The following CDH10 variants were observed in gnomAD, a reference collection of about 807,000 sequenced individuals.
The protein encoded by CDH10 is cadherin-10.
Under a neutral mutation model 73.1 loss-of-function variants are expected in CDH10, and 30 were observed. The ratio of observed to expected loss-of-function variants is 0.41; its 90% CI spans 0.31 to 0.56. The LOEUF (loss-of-function observed/expected upper bound fraction) is 0.56, where lower values mean the gene tolerates loss of function less well. Ranked by LOEUF, CDH10 falls within the 20% of genes least tolerant of loss-of-function variation. The pLI is 0.27. For synonymous variants in CDH10, 345 were observed against 348.2 expected, an observed-to-expected ratio of 0.99 and a Z score of 0.10; for missense variants, 815 against 973.7, an observed-to-expected ratio of 0.84 and a Z score of 2.17.
At chr5:24,489,420 CT>C (rs1741967015) in intron 11 of CDH10, among the ~76,000 whole-genome samples, 2 of 152,142 alleles carry the variant, frequency 1.3e-5, no homozygotes, top group South Asian at 2.1e-4. Flanking sequence ...ATAGGCAGAA[CT>C]TTTTAAAAAG....
chr5:24,584,464 T>TGTGTG (rs1554023319), intron 2 of CDH10, among the ~76,000 whole-genome samples: 1 of 55,468 alleles, frequency 1.8e-5, no homozygotes, highest in African/African-American at 6.5e-5. Context: ...TTTTTTTTTT[T>TGTGTG]TGTGTGTGTG....
chr5:24,530,242 A>G (rs1385591180), intron 5 of CDH10, among the ~76,000 whole-genome samples: 3 of 151,780 alleles, frequency 2.0e-5, no homozygotes, highest in Non-Finnish European at 4.4e-5. Context: ...TCAGTACATT[A>G]GATGTCCCTT....
chr5:24,622,258 A>ACGAT (rs1747342889), intron 1 of CDH10, among the ~76,000 whole-genome samples: 1 of 152,152 alleles, frequency 6.6e-6, no homozygotes, highest in East Asian at 1.9e-4. Flanking sequence ...TGATGTGCGA[A>ACGAT]TGTTGACAAA....
At chr5:24,527,437 A>G (rs1018399326) in intron 5 of CDH10, among the ~76,000 whole-genome samples, 3 of 151,400 alleles carry the variant, frequency 2.0e-5, no homozygotes, top group African/African-American at 7.3e-5. Context: ...AAAACAAAAT[A>G]TATAGAGTCA....
intron 2 of CDH10, among the ~76,000 whole-genome samples, chr5:24,560,394 C>A (rs932920937): frequency 4.6e-5 from 7 of 152,044 alleles, no homozygotes; most frequent in African/African-American, 1.7e-4. Flanking sequence ...CACTGACTTC[C>A]ACTTCTTACT....
At chr5:24,595,428 A>G (rs555458371) in intron 1 of CDH10, among the ~76,000 whole-genome samples, 1 of 151,982 alleles carries the variant, frequency 6.6e-6, no homozygotes, top group East Asian at 1.9e-4. Context: ...AGTCGTCCAC[A>G]ATGCCTGAAG....
chr5:24,588,266 A>G (rs1470806217), intron 2 of CDH10, among the ~76,000 whole-genome samples: 1 of 152,158 alleles, frequency 6.6e-6, no homozygotes, highest in Admixed American at 6.5e-5. Flanking sequence ...TGTCCTATTC[A>G]TTATATGGTT....
chr5:24,556,578 T>G (rs2111972715), intron 2 of CDH10, among the ~76,000 whole-genome samples: 1 of 151,898 alleles, frequency 6.6e-6, no homozygotes, highest in South Asian at 2.1e-4. Flanking sequence ...TAAAATCAGT[T>G]ATAATGAGCT....
intron 2 of CDH10, among the ~76,000 whole-genome samples, chr5:24,554,591 ATG>A (rs1744699634): frequency 6.6e-6 from 1 of 151,856 alleles, no homozygotes; most frequent in Non-Finnish European, 1.5e-5. Context: ...TATATATCCT[ATG>A]ATCCTAATAT....
In CDH10 at chr5:24,548,620, A is replaced by C. The variant is rs184613016; in HGVS notation, c.232-10946T>G. On this transcript the variant is annotated intron_variant, in intron 2 of 11. Transcript: ENST00000264463. ...TAAATGTTAAGCAGATCTAAAAAAT[A>C]CCTTCATAGCCACAATGAGACTAGT... 4.1e-3 allele frequency among the ~76,000 whole-genome samples: 618 copies of C among 152,030 alleles called. 4 individuals are homozygous for C. Among genetic ancestry groups the C allele is most frequent in the Admixed American group, 7.6e-3 (116 of 15,240 alleles).
At chr5:24,521,757 AATGG>A (rs1242932857) in intron 5 of CDH10, among the ~76,000 whole-genome samples, 1 of 152,200 alleles carries the variant, frequency 6.6e-6, no homozygotes, top group Non-Finnish European at 1.5e-5. Context: ...TTAAGAAAAT[AATGG>A]ATGGGTTAAA....
At chr5:24,557,809 G>A (rs964815653) in intron 2 of CDH10, among the ~76,000 whole-genome samples, 1 of 151,738 alleles carries the variant, frequency 6.6e-6, no homozygotes, top group African/African-American at 2.4e-5. Flanking sequence ...TTAAAAATTA[G>A]TATAGTCACT....
chr5:24,551,337 G>A (rs947018259), intron 2 of CDH10, among the ~76,000 whole-genome samples: 4 of 151,714 alleles, frequency 2.6e-5, no homozygotes, highest in Admixed American at 1.3e-4. Flanking sequence ...TTTTCAATTC[G>A]ACACAGATAC....
At chr5:24,620,821 A>T (rs1459136778) in intron 1 of CDH10, among the ~76,000 whole-genome samples, 1 of 152,164 alleles carries the variant, frequency 6.6e-6, no homozygotes, top group Admixed American at 6.5e-5. Flanking sequence ...TGTTGACAGA[A>T]GAGGCACAAA....
intron 5 of CDH10, among the ~76,000 whole-genome samples, chr5:24,523,058 T>C (rs1579757200): frequency 6.6e-6 from 1 of 151,632 alleles, no homozygotes; most frequent in African/African-American, 2.4e-5. Context: ...GGCATTTAAA[T>C]ATGCAAAGAT....
intron 2 of CDH10, among the ~76,000 whole-genome samples, chr5:24,546,073 A>T (rs1744326166): frequency 6.6e-6 from 1 of 152,156 alleles, no homozygotes; most frequent in Admixed American, 6.5e-5. Flanking sequence ...ATGGTCAAAG[A>T]GAGGAAAGAG....
At chr5:24,534,704 G>A (rs942884909) in intron 5 of CDH10, among the ~76,000 whole-genome samples, 3 of 151,852 alleles carry the variant, frequency 2.0e-5, no homozygotes, top group Non-Finnish European at 4.4e-5. Context: ...ATTTTTTGTC[G>A]AAAAAAATTG....
chr5:24,625,284 A>T (rs1192340758), intron 1 of CDH10, among the ~76,000 whole-genome samples: 1 of 152,012 alleles, frequency 6.6e-6, no homozygotes, highest in African/African-American at 2.4e-5. Flanking sequence ...CTTGCTCTTT[A>T]GTTATATTGG....
chr5:24,605,939 T>A (rs1378223353), intron 1 of CDH10, among the ~76,000 whole-genome samples: 1 of 152,194 alleles, frequency 6.6e-6, no homozygotes, highest in African/African-American at 2.4e-5. Flanking sequence ...GAATCTCAAA[T>A]GCTTTATGCT....
Sources: allele counts gnomAD v4.1 joint callset (sites outside exome capture counted in the v4.1 genomes callset), GRCh38; gene constraint gnomAD v4.1.1; transcripts MANE v1.5; gene names NCBI Gene and HGNC (gene_info 2026-07-23, HGNC 2026-07-21).